Variants in ERMN observed in about 807,000 individuals in gnomAD.
ERMN encodes ermin.
In ERMN, 17 loss-of-function variants were observed where a neutral mutation model predicts 21.4. The ratio of observed to expected loss-of-function variants is 0.80; its 90% CI spans 0.54 to 1.19. The LOEUF is 1.19. ERMN is among the 50% of genes most tolerant of loss of function. The pLI is 0.00. For synonymous variants in ERMN, 115 were observed against 111.9 expected (o/e 1.03, Z -0.17); for missense variants, 348 against 331.6 (o/e 1.05, Z -0.38).
rs775992641 is a variant in ERMN at position 157,324,727 on chromosome 2, C to G, written c.277G>C (p.Ala93Pro). Residue 93 changes from alanine (A) to proline (P), a missense_variant, in exon 2 of 3, where the codon GCT becomes CCT. By Grantham distance (27) the Ala-to-Pro change is conservative (BLOSUM62 -1). Coordinates refer to ENST00000410096, the MANE Select transcript of ERMN (RefSeq NM_020711.3). The part of the protein sequence containing the change: ...PEEKLFIVHK[A>P]ITDLSLQETS... ...TCTTGGAGAGAAAGATCTGTGATAG[C>G]CTTATGAACAATAAAGAGTTTCTCT... is the stretch of plus-strand genomic sequence containing the variant. The G allele has an allele frequency of 1.1e-5, 18 of 1,612,632 alleles. No individual in the cohort carries two copies. The highest frequency in any genetic ancestry group is 1.7e-5 in the Admixed American group (1 of 59,890).
In ERMN at chr2:157,321,029, T is replaced by C. The variant is rs540374233; in HGVS notation, c.*242A>G. On this transcript the variant is annotated 3_prime_UTR_variant, in exon 3 of 3. Transcript: ENST00000410096. ...TGACTGCTTAGTGCTTATCACACAA[T>C]GCTATATTAGTGAAGTTTTAAAAGA... The C allele has an allele frequency of 1.9e-6, 1 of 519,768 alleles. No homozygotes were observed. 32.2% of individuals were successfully genotyped at this position (519,768 alleles called of 1,614,324 possible). A position where few individuals can be genotyped will look rare whatever the true frequency, so the allele number is the denominator to read the frequency against.
At chr2:157,327,621 A>T, upstream of ERMN, 5 of 654,086 alleles carry the variant, frequency 7.6e-6, no homozygotes, top group Non-Finnish European at 1.4e-5. Context: ...AGATGAAGCT[A>T]AGCGCCATCC....
rs1683915184 is a variant in ERMN at position 157,321,788 on chromosome 2, T to C, written c.338A>G (p.His113Arg). The change falls in exon 3 of 3, where the codon CAT (histidine) becomes CGT (arginine). Residue 113 changes from histidine to arginine, a missense_variant. By Grantham distance (29) the His-to-Arg change is conservative. Coordinates refer to ENST00000410096, the MANE Select transcript of ERMN (RefSeq NM_020711.3). ...ACTCAGAGGAATCTTCTCCCACTGATGCCCTGTAGCAAAATCAATTGGTAG... is the reference window on the plus strand; with the variant it reads ...ACTCAGAGGAATCTTCTCCCACTGACGCCCTGTAGCAAAATCAATTGGTAG... ...SADEMTFREG[H>R]QWEKIPLSGS... 6.2e-7 allele frequency: 1 copy of C among 1,602,710 alleles called. No homozygotes were observed. Among genetic ancestry groups the C allele is most frequent in the Non-Finnish European group, 8.5e-7 (1 of 1,175,750 alleles).
intron 2 of ERMN, chr2:157,324,414 G>T: frequency 2.3e-6 from 1 of 427,746 alleles, no homozygotes; most frequent in African/African-American, 2.1e-5. Flanking sequence ...ACTAACTTAA[G>T]AGATAGACAT....
Position 157,321,100 on chromosome 2 carries a change from A to G in ERMN, c.*171T>C. 1 of 987,698 alleles carries G rather than the reference A, an allele frequency of 1.0e-6. No individual in the cohort carries two copies. The highest frequency in any genetic ancestry group is 1.4e-6 in the Non-Finnish European group (1 of 697,000). The allele number at this position is 987,698 out of a possible 1,614,324, so 61.2% of individuals were successfully genotyped here. ...TAAAGCTTTTTGATTTGAGGTTATC[A>G]GACTGAATTTTTATCTAGGGTTATT... is the stretch of plus-strand genomic sequence containing the variant. On this transcript the variant is annotated 3_prime_UTR_variant, in exon 3 of 3. Transcript: ENST00000410096.
chr2:157,327,113 A>G (rs147292686), upstream of ERMN: 1 of 150,092 alleles, frequency 6.7e-6, no homozygotes, highest in Non-Finnish European at 1.5e-5. Context: ...TATATATATA[A>G]TATATACAAT....
In ERMN at chr2:157,321,125, T is replaced by G; in HGVS notation, c.*146A>C. The G allele has an allele frequency of 3.3e-6, 4 of 1,222,550 alleles. No homozygotes were observed. Among genetic ancestry groups the G allele is most frequent in the Middle Eastern group, 2.9e-4 (1 of 3,430 alleles). 75.7% of individuals were successfully genotyped at this position (1,222,550 alleles called of 1,614,324 possible). Reference sequence around the variant, plus strand: ...AGACTGAATTTTTATCTAGGGTTATTTCCACATTATTCTACAGTGAAAAAG... The same window carrying G: ...AGACTGAATTTTTATCTAGGGTTATGTCCACATTATTCTACAGTGAAAAAG... On this transcript the variant is annotated 3_prime_UTR_variant, in exon 3 of 3. Transcript: ENST00000410096.
upstream of ERMN, among the ~76,000 whole-genome samples, chr2:157,327,008 G>A (rs555591781): frequency 2.0e-5 from 3 of 151,846 alleles, no homozygotes; most frequent in South Asian, 6.3e-4. Context: ...CTTAGCATCT[G>A]GCTTGGAATA....
chr2:157,322,441 TTG>T (rs1683936661), intron 2 of ERMN, among the ~76,000 whole-genome samples: 1 of 152,176 alleles, frequency 6.6e-6, no homozygotes, highest in Non-Finnish European at 1.5e-5. Context: ...GAAGCTGAGG[TTG>T]TTCTCTGAGC....
chr2:157,321,832 C>G, intron 2 of ERMN, 41 bp from the exon 3 acceptor site: 1 of 1,501,414 alleles, frequency 6.7e-7, no homozygotes, highest in Non-Finnish European at 9.0e-7. Flanking sequence ...TGTAGAGATT[C>G]CAAAATACCC....
At chr2:157,324,938 A>G (rs1486240868) in intron 1 of ERMN, among the ~76,000 whole-genome samples, 176 bp from the exon 2 acceptor site, 1 of 151,838 alleles carries the variant, frequency 6.6e-6, no homozygotes, top group East Asian at 1.9e-4. Context: ...TTACTTAATG[A>G]TCACTTTATT....
chr2:157,320,218 G>A lies in ERMN; in HGVS notation c.*1053C>T, dbSNP rs1371212440. On this transcript the variant is annotated 3_prime_UTR_variant, in exon 3 of 3. Coordinates refer to ENST00000410096, the MANE Select transcript of ERMN (RefSeq NM_020711.3). ...AATTTTAAGCATCTTGATTTGGGCT[G>A]AGGTCCAGTAAATTATATATTCCCA... 3 of 152,558 alleles carry A rather than the reference G, an allele frequency of 2.0e-5. No individual in the cohort carries two copies. The highest frequency in any genetic ancestry group is 4.4e-5 in the Non-Finnish European group (3 of 68,008). The allele number at this position is 152,558 out of a possible 1,614,324, so 9.5% of individuals were successfully genotyped here. A position where few individuals can be genotyped will look rare whatever the true frequency, so the allele number is the denominator to read the frequency against.
rs946132094 is a variant in ERMN, at chr2:157,321,603, G to A, written c.523C>T (p.His175Tyr). 6.2e-7 allele frequency: 1 copy of A among 1,613,934 alleles called. No individual in the cohort carries two copies. The highest frequency in any genetic ancestry group is 8.5e-7 in the Non-Finnish European group (1 of 1,179,980). ...PSQADMLHSK[H>Y]DEEQKVWDEE... ...TCCCAAACCTTCTGCTCCTCATCATGTTTAGAATGTAACATGTCAGCTTGG... is the reference window on the plus strand; with the variant it reads ...TCCCAAACCTTCTGCTCCTCATCATATTTAGAATGTAACATGTCAGCTTGG... The change falls in exon 3 of 3, where the codon CAT becomes TAT. Residue 175 changes from histidine to tyrosine, a missense_variant. Transcript: ENST00000410096.
chr2:157,323,923 C>T (rs1399752932), intron 2 of ERMN, among the ~76,000 whole-genome samples: 2 of 152,070 alleles, frequency 1.3e-5, no homozygotes, highest in Non-Finnish European at 2.9e-5. Context: ...ACATTAGAGG[C>T]CTATAAAGTA....
At chr2:157,325,325 A>G in intron 1 of ERMN, 77 bp downstream of exon 1, 6 of 1,594,818 alleles carry the variant, frequency 3.8e-6, no homozygotes, top group Non-Finnish European at 5.2e-6. Context: ...GCTCATTTCG[A>G]TAATAGTTTA....
chr2:157,325,694 G>A lies in ERMN; in HGVS notation c.-52C>T, dbSNP rs1480617761. On this transcript the variant is annotated 5_prime_UTR_variant, in exon 1 of 3. Coordinates refer to ENST00000410096, the MANE Select transcript of ERMN (RefSeq NM_020711.3). ...AGAGAGCTTTAGGGAAACTGAGTGA[G>A]TAGATCCTTGATAAGATACCTGCTC... 1.9e-6 allele frequency: 3 copies of A among 1,611,544 alleles called. No homozygotes were observed. In the African/African-American group the frequency reaches 4.0e-5, roughly 22 times the overall value.
chr2:157,325,655 A>G lies in ERMN; in HGVS notation c.-13T>C. The G allele has an allele frequency of 6.2e-7, 1 of 1,614,198 alleles. No homozygotes were observed. Among genetic ancestry groups the G allele is most frequent in the Non-Finnish European group, 8.5e-7 (1 of 1,180,014 alleles). On this transcript the variant is annotated 5_prime_UTR_variant, in exon 1 of 3. Transcript: ENST00000410096. Reference sequence around the variant, plus strand: ...GAACATCTGTCATGATGTGCGGTTGAATCCGATCTGGAGAGAGAGCTTTAG... The same window carrying G: ...GAACATCTGTCATGATGTGCGGTTGGATCCGATCTGGAGAGAGAGCTTTAG...
chr2:157,321,518 AC>A lies in ERMN; in HGVS notation c.607del (p.Val203Ter), dbSNP rs754098588. Reference sequence around the variant, plus strand: ...TTCATGTTTTTTCTTAAATTCTATCACTCGAACTTCATCTTCATCATTATTG... The same window carrying A: ...TTCATGTTTTTTCTTAAATTCTATCATCGAACTTCATCTTCATCATTATTG... ...NCNNDEDEVR[V>X]IEFKKKHEEV... On this transcript the variant is annotated frameshift_variant, in exon 3 of 3. Coordinates refer to ENST00000410096, the MANE Select transcript of ERMN (RefSeq NM_020711.3). LOFTEE classifies it high-confidence loss of function. 6.2e-7 allele frequency: 1 copy of A among 1,613,444 alleles called. No homozygotes were observed. Among genetic ancestry groups the A allele is most frequent in the East Asian group, 2.2e-5 (1 of 44,870 alleles).
chr2:157,325,172 T>C (rs905425994), intron 1 of ERMN: 9 of 668,484 alleles, frequency 1.3e-5, no homozygotes, highest in East Asian at 9.4e-5. Context: ...CTTCTTCTAG[T>C]GAAAAAAACT....
Sources: gnomAD v4.1 joint callset for allele counts (sites outside exome capture counted in the v4.1 genomes callset) on GRCh38, gnomAD v4.1.1 for gene constraint, MANE v1.5 for transcripts, NCBI Gene and HGNC (gene_info 2026-07-23, HGNC 2026-07-21) for gene names.